Variants in RPRD2 observed in about 807,000 individuals in gnomAD.
RPRD2 encodes regulation of nuclear pre-mRNA domain-containing protein 2.
Under a neutral mutation model 104.4 loss-of-function variants are expected in RPRD2, and 12 were observed. That is an observed-to-expected ratio of 0.11 (90% confidence interval 0.07 to 0.19). The LOEUF (loss-of-function observed/expected upper bound fraction) is 0.19. Ranked by LOEUF, RPRD2 falls within the 10% of genes least tolerant of loss-of-function variation. The pLI, the probability that RPRD2 is intolerant of heterozygous loss-of-function variation, is 1.00. For synonymous variants in RPRD2, 714 were observed against 684.9 expected, an observed-to-expected ratio of 1.04 and a Z score of -0.66; for missense variants, 1,543 against 1,790.1, an observed-to-expected ratio of 0.86 and a Z score of 2.49.
chr1:150,378,112 CT>C (rs1414077547), intron 1 of RPRD2, among the ~76,000 whole-genome samples: 1 of 152,094 alleles, frequency 6.6e-6, no homozygotes, highest in Non-Finnish European at 1.5e-5. Context: ...ACTTAATAAT[CT>C]TATATTTCCA....
At chr1:150,385,925 A>T (rs1269557849) in intron 1 of RPRD2, among the ~76,000 whole-genome samples, 2 of 152,152 alleles carry the variant, frequency 1.3e-5, no homozygotes, top group East Asian at 3.9e-4. Flanking sequence ...GTAGGTGGTG[A>T]CAAGGGTAGA....
intron 10 of RPRD2, among the ~76,000 whole-genome samples, chr1:150,470,291 C>A (rs944022415): frequency 9.2e-5 from 14 of 152,042 alleles, no homozygotes; most frequent in African/African-American, 3.4e-4. Flanking sequence ...TTAAAATCTC[C>A]CCCTTCCTGT....
intron 1 of RPRD2, among the ~76,000 whole-genome samples, chr1:150,407,199 A>G (rs1663550095): frequency 6.6e-6 from 1 of 152,324 alleles, no homozygotes; most frequent in East Asian, 1.9e-4. Flanking sequence ...CTCAGTCCCA[A>G]CAAGAACATC....
chr1:150,394,004 G>A (rs776603829), intron 1 of RPRD2, among the ~76,000 whole-genome samples: 1 of 151,822 alleles, frequency 6.6e-6, no homozygotes, highest in South Asian at 2.1e-4. Context: ...GCTTTATATC[G>A]GCTGGTGTTG....
At chr1:150,384,639 TTGTGTG>T (rs71086504) in intron 1 of RPRD2, among the ~76,000 whole-genome samples, 178 of 133,390 alleles carry the variant, frequency 1.3e-3, no homozygotes, top group Middle Eastern at 7.4e-3. Flanking sequence ...CCTGGCTAAT[TTGTGTG>T]TGTGTGTGTG....
chr1:150,447,017 G>A (rs587657125), intron 7 of RPRD2, among the ~76,000 whole-genome samples: 2 of 151,848 alleles, frequency 1.3e-5, no homozygotes, highest in South Asian at 2.1e-4. Flanking sequence ...TGTATTTTTA[G>A]TAGAGACGAG....
At chr1:150,412,890 C>A (rs1664040700) in intron 1 of RPRD2, among the ~76,000 whole-genome samples, 1 of 151,606 alleles carries the variant, frequency 6.6e-6, no homozygotes, top group Non-Finnish European at 1.5e-5. Context: ...AGACTTAATA[C>A]CTGGGAGATG....
rs1386452436 is a variant in RPRD2, at chr1:150,471,117, C to T, written c.2169C>T (p.Thr723=). The T allele has an allele frequency of 1.9e-6, 3 of 1,613,794 alleles. No individual in the cohort carries two copies. Among genetic ancestry groups the T allele is most frequent in the East Asian group, 2.2e-5 (1 of 44,900 alleles). Residue 723 remains threonine, a synonymous_variant, in exon 11 of 11, where the codon ACC becomes ACT. Coordinates refer to ENST00000369068, the MANE Select transcript of RPRD2 (RefSeq NM_015203.5). The surrounding 1 kb of genome is among the most constrained non-coding windows in gnomAD (Gnocchi z 5.3). ...CCTCAATCGACAACATTGATGGAAC[C>T]CCTGTACGGGATGAACGGAGTGGGA... is the stretch of plus-strand genomic sequence containing the variant. The part of the protein sequence containing the change: ...TSTSIDNIDG[T]PVRDERSGTP...
At chr1:150,400,732 T>C (rs1300681306) in intron 1 of RPRD2, among the ~76,000 whole-genome samples, 1 of 152,086 alleles carries the variant, frequency 6.6e-6, no homozygotes, top group Non-Finnish European at 1.5e-5. Context: ...GGGGATAGCT[T>C]TTGGTTTTCC....
intron 1 of RPRD2, among the ~76,000 whole-genome samples, chr1:150,414,314 A>C (rs1458574860): frequency 6.6e-6 from 1 of 152,244 alleles, no homozygotes; most frequent in Non-Finnish European, 1.5e-5. Context: ...TTCTTCTAAC[A>C]ATCCTGTAAG....
At chr1:150,379,783 G>A (rs981811761) in intron 1 of RPRD2, among the ~76,000 whole-genome samples, 3 of 152,332 alleles carry the variant, frequency 2.0e-5, no homozygotes, top group Middle Eastern at 3.4e-3. Flanking sequence ...TGATCTGCCC[G>A]CCTTGGCCTC....
rs139300701 is a variant in RPRD2 at position 150,435,686 on chromosome 1, T to G, written c.336-5237T>G. On this transcript the variant is annotated intron_variant, in intron 2 of 10. Transcript: ENST00000369068. The stretch of plus-strand genomic sequence containing the variant: ...GCTGTGGAAATAGGTTCATGAGATT[T>G]AAGGAAAGAAGTCATCTCTATAACA... Among the ~76,000 whole-genome samples, 30 of 152,288 alleles carry G rather than the reference T, an allele frequency of 2.0e-4. No homozygotes were observed. The East Asian group carries it at 5.6e-3, about 28-fold the overall frequency.
At chr1:150,380,381 T>C (rs1472264794) in intron 1 of RPRD2, among the ~76,000 whole-genome samples, 3 of 151,932 alleles carry the variant, frequency 2.0e-5, no homozygotes, top group African/African-American at 7.2e-5. Flanking sequence ...CATTCTCTTA[T>C]CATATTACCC....
intron 7 of RPRD2, among the ~76,000 whole-genome samples, chr1:150,451,346 A>G (rs1449141201): frequency 6.6e-6 from 1 of 152,058 alleles, no homozygotes; most frequent in Non-Finnish European, 1.5e-5. Context: ...CTTGTCCATT[A>G]TAAAGTTTTC....
chr1:150,464,919 G>A (rs72698822), intron 10 of RPRD2, among the ~76,000 whole-genome samples, 192 bp downstream of exon 10: 12,445 of 151,468 alleles, frequency 0.082, 669 homozygotes, highest in Non-Finnish European at 0.12. Context: ...TGCCTAGTTG[G>A]TGTGCAGTGG....
intron 1 of RPRD2, among the ~76,000 whole-genome samples, chr1:150,369,607 T>C (rs1484915774): frequency 2.0e-4 from 26 of 128,412 alleles, no homozygotes; most frequent in Admixed American, 4.8e-4. Context: ...CAGGCGCCCG[T>C]CACCGCGCCC....
chr1:150,407,906 A>G (rs147833601), intron 1 of RPRD2, among the ~76,000 whole-genome samples: 21 of 152,026 alleles, frequency 1.4e-4, no homozygotes, highest in African/African-American at 4.8e-4. Flanking sequence ...GTTATTTTAT[A>G]TGGGTTTTTT....
intron 10 of RPRD2, among the ~76,000 whole-genome samples, chr1:150,465,875 C>G (rs114934455): frequency 6.7e-6 from 1 of 150,108 alleles, no homozygotes; most frequent in Non-Finnish European, 1.5e-5. Flanking sequence ...CCTGGCCAAC[C>G]AGGTGAAATA....
chr1:150,369,623 ATTTT>A (rs61016870), intron 1 of RPRD2, among the ~76,000 whole-genome samples: 4 of 68,870 alleles, frequency 5.8e-5, no homozygotes, highest in Admixed American at 3.0e-4. Context: ...CGCCCAGCTA[ATTTT>A]TTTTTTTTTT....
Sources: allele counts gnomAD v4.1 joint callset (sites outside exome capture counted in the v4.1 genomes callset), GRCh38; gene constraint gnomAD v4.1.1; non-coding constraint Gnocchi (gnomAD v3.1); transcripts MANE v1.5; gene names NCBI Gene and HGNC (gene_info 2026-07-23, HGNC 2026-07-21).